GALNTL6: variants seen among roughly 807,000 people sequenced by gnomAD.
The protein encoded by GALNTL6 is polypeptide N-acetylgalactosaminyltransferase-like 6.
A neutral mutation model predicts 73.7 loss-of-function variants in GALNTL6; 46 were observed. The ratio of observed to expected loss-of-function variants is 0.62; its 90% CI spans 0.49 to 0.80. GALNTL6 has a LOEUF of 0.80. Among genes scored for constraint, GALNTL6 ranks in the 30% least tolerant of loss-of-function variants. The probability of loss-of-function intolerance (pLI) is 0.00; values close to 1 mark genes in which losing one functional copy is unlikely to be tolerated. For missense variants in GALNTL6, 604 were observed against 755.0 expected (o/e 0.80, Z 2.34); for synonymous variants, 259 against 263.7 (o/e 0.98, Z 0.17).
intron 2 of GALNTL6, among the ~76,000 whole-genome samples, chr4:172,201,176 TG>T (rs371347847): frequency 1.9e-4 from 29 of 151,506 alleles, no homozygotes; most frequent in Non-Finnish European, 3.2e-4. Context: ...AGTTGGGAGT[TG>T]TTTTTTTTTT....
chr4:171,978,153 A>G (rs1739777717), intron 2 of GALNTL6, among the ~76,000 whole-genome samples: 3 of 152,218 alleles, frequency 2.0e-5, no homozygotes, highest in African/African-American at 7.2e-5. Flanking sequence ...AAATTGCATT[A>G]AAATATCAAG....
At chr4:172,976,981 A>C (rs1393040321) in intron 10 of GALNTL6, among the ~76,000 whole-genome samples, 1 of 152,246 alleles carries the variant, frequency 6.6e-6, no homozygotes, top group Non-Finnish European at 1.5e-5. Flanking sequence ...ATTTGGTCTC[A>C]GAAAGCTATG....
intron 2 of GALNTL6, among the ~76,000 whole-genome samples, chr4:172,206,121 C>T (rs1352504704): frequency 6.6e-6 from 1 of 152,018 alleles, no homozygotes; most frequent in Non-Finnish European, 1.5e-5. Context: ...ATAAAATGAA[C>T]TAATTTCTAG....
intron 5 of GALNTL6, among the ~76,000 whole-genome samples, chr4:172,535,333 A>G (rs961412443): frequency 6.6e-6 from 1 of 152,242 alleles, no homozygotes; most frequent in African/African-American, 2.4e-5. Context: ...TGATTCTGCC[A>G]GTCAGAATTC....
rs566046447 is a variant in GALNTL6 at position 172,873,378 on chromosome 4, C to T, written c.924-9412C>T. On this transcript the variant is annotated intron_variant, in intron 7 of 12. Transcript: ENST00000506823. Reference sequence around the variant, plus strand: ...AGAGCTAAAAGATCAAATGTTCCAACAAACAAGACAGGAGCTACATGGTCT... The same window carrying T: ...AGAGCTAAAAGATCAAATGTTCCAATAAACAAGACAGGAGCTACATGGTCT... 2.0e-5 allele frequency among the ~76,000 whole-genome samples: 3 copies of T among 152,306 alleles called. No individual in the cohort carries two copies. In the South Asian group the frequency reaches 6.2e-4, roughly 32 times the overall value.
chr4:172,039,768 T>A (rs1742033583), intron 2 of GALNTL6, among the ~76,000 whole-genome samples: 1 of 152,140 alleles, frequency 6.6e-6, no homozygotes, highest in South Asian at 2.1e-4. Flanking sequence ...AGCATAAGGT[T>A]AACATGCAAT....
At chr4:171,917,407 G>A (rs1181124682) in intron 2 of GALNTL6, among the ~76,000 whole-genome samples, 2 of 152,046 alleles carry the variant, frequency 1.3e-5, no homozygotes, top group African/African-American at 4.8e-5. Context: ...AGAAGCCTTT[G>A]AATAGAACCG....
At chr4:172,952,310 C>A (rs1170582162) in intron 10 of GALNTL6, 52 bp downstream of exon 10, 3 of 1,320,654 alleles carry the variant, frequency 2.3e-6, no homozygotes, top group Non-Finnish European at 3.2e-6. Context: ...TGTGTGCCTC[C>A]CCCATAGCCT....
chr4:172,369,989 G>T (rs1224344815), intron 5 of GALNTL6, among the ~76,000 whole-genome samples: 2 of 152,212 alleles, frequency 1.3e-5, no homozygotes, highest in Non-Finnish European at 2.9e-5. Context: ...GAGGCGCCGA[G>T]AGCGAGCAAG....
At chr4:171,885,844 T>A (rs973244728) in intron 2 of GALNTL6, among the ~76,000 whole-genome samples, 10 of 152,140 alleles carry the variant, frequency 6.6e-5, no homozygotes, top group African/African-American at 2.4e-4. Flanking sequence ...AAATTGTAAG[T>A]ACCTTTATAT....
At chr4:171,959,631 C>G (rs112922943) in intron 2 of GALNTL6, among the ~76,000 whole-genome samples, 3,245 of 152,188 alleles carry the variant, frequency 0.021, 94 homozygotes, top group African/African-American at 0.058. Context: ...CAGGAGAAAT[C>G]CTTGAACCCA....
chr4:172,644,174 A>T (rs1263918549), intron 5 of GALNTL6, among the ~76,000 whole-genome samples: 1 of 151,842 alleles, frequency 6.6e-6, no homozygotes, highest in African/African-American at 2.4e-5. Flanking sequence ...ACACATCTTT[A>T]TTGAGCTTGA....
At chr4:172,396,316 C>CTTTTTTTTT (rs10715891) in intron 5 of GALNTL6, among the ~76,000 whole-genome samples, 1 of 137,540 alleles carries the variant, frequency 7.3e-6, no homozygotes. Flanking sequence ...CTTTTTTTTT[C>CTTTTTTTTT]TTTTTTTTTT....
intron 3 of GALNTL6, among the ~76,000 whole-genome samples, chr4:172,287,881 C>G (rs1739318847): frequency 1.3e-5 from 2 of 152,070 alleles, no homozygotes; most frequent in African/African-American, 4.8e-5. Flanking sequence ...CTTCAGGAAC[C>G]TTGGGGAATG....
At chr4:172,584,687 G>T (rs1174957635) in intron 5 of GALNTL6, among the ~76,000 whole-genome samples, 1 of 152,158 alleles carries the variant, frequency 6.6e-6, no homozygotes, top group Non-Finnish European at 1.5e-5. Context: ...AACTGATTTG[G>T]GAGGAGGAAG....
chr4:172,974,642 C>T (rs1267916267), intron 10 of GALNTL6, among the ~76,000 whole-genome samples: 1 of 152,210 alleles, frequency 6.6e-6, no homozygotes, highest in East Asian at 1.9e-4. Context: ...ACTCGGGCCC[C>T]CTGGGCTCAT....
At chr4:172,650,344 T>G (rs1248604036) in intron 5 of GALNTL6, among the ~76,000 whole-genome samples, 1 of 152,056 alleles carries the variant, frequency 6.6e-6, no homozygotes, top group Non-Finnish European at 1.5e-5. Flanking sequence ...CATATATAAA[T>G]AAATAGATAA....
intron 5 of GALNTL6, among the ~76,000 whole-genome samples, chr4:172,402,029 A>C (rs933135590): frequency 6.6e-6 from 1 of 151,970 alleles, no homozygotes; most frequent in Non-Finnish European, 1.5e-5. Context: ...AAGAATTTCC[A>C]GAAATCAACA....
intron 5 of GALNTL6, among the ~76,000 whole-genome samples, chr4:172,496,279 T>A (rs1461167757): frequency 1.3e-5 from 2 of 152,244 alleles, no homozygotes; most frequent in Non-Finnish European, 2.9e-5. Context: ...TAGAATGTAC[T>A]ACAAGAGTAC....
Sources: gnomAD v4.1 joint callset for allele counts (sites outside exome capture counted in the v4.1 genomes callset) on GRCh38, gnomAD v4.1.1 for gene constraint, MANE v1.5 for transcripts, NCBI Gene and HGNC (gene_info 2026-07-23, HGNC 2026-07-21) for gene names.